Variants in RBPMS2 observed in about 807,000 individuals in gnomAD.
RBPMS2 encodes RNA-binding protein with multiple splicing 2.
Under a neutral mutation model 25.7 loss-of-function variants are expected in RBPMS2, and 14 were observed. That is an observed-to-expected ratio of 0.55 (90% CI 0.36 to 0.85). The LOEUF is 0.85. Among genes scored for constraint, RBPMS2 ranks in the 40% least tolerant of loss-of-function variants. The pLI is 0.01. For synonymous variants in RBPMS2, 127 were observed against 115.6 expected (o/e 1.10, Z -0.63); for missense variants, 252 against 283.4 (o/e 0.89, Z 0.80).
intron 4 of RBPMS2, 28 bp from the exon 5 acceptor site, chr15:64,749,178 G>C (rs943561446): frequency 6.2e-7 from 1 of 1,613,098 alleles, no homozygotes; most frequent in Non-Finnish European, 8.5e-7. Context: ...AGAAGAGAAA[G>C]GCTTACTCCG....
At chr15:64,760,167 G>C (rs527442053) in intron 1 of RBPMS2, among the ~76,000 whole-genome samples, 1 of 152,204 alleles carries the variant, frequency 6.6e-6, no homozygotes, top group African/African-American at 2.4e-5. Context: ...ATGGGCTCGT[G>C]GGGGAGAAGG....
At chr15:64,741,550 G>C (rs887716194) in intron 6 of RBPMS2, among the ~76,000 whole-genome samples, 3 of 152,272 alleles carry the variant, frequency 2.0e-5, no homozygotes, top group Non-Finnish European at 2.9e-5. Flanking sequence ...GCTGGGGGCA[G>C]TGGTGCCAGC....
chr15:64,750,630 C>T (rs1403693856), intron 2 of RBPMS2, among the ~76,000 whole-genome samples: 1 of 152,236 alleles, frequency 6.6e-6, no homozygotes, highest in Non-Finnish European at 1.5e-5. Flanking sequence ...TTCCCATTTG[C>T]TCCACTAACT....
intron 1 of RBPMS2, among the ~76,000 whole-genome samples, chr15:64,756,627 A>G (rs1423585354): frequency 6.8e-6 from 1 of 147,914 alleles, no homozygotes; most frequent in African/African-American, 2.5e-5. Flanking sequence ...TCAGTTTCTT[A>G]TTTTTATTTA....
chr15:64,754,786 G>C (rs926427868), intron 1 of RBPMS2, among the ~76,000 whole-genome samples: 2 of 151,984 alleles, frequency 1.3e-5, no homozygotes, highest in Admixed American at 1.3e-4. Flanking sequence ...TGCTGGGAAA[G>C]GACGACAGGA....
At chr15:64,744,113 A>G (rs1010329308) in intron 6 of RBPMS2, among the ~76,000 whole-genome samples, 1 of 152,082 alleles carries the variant, frequency 6.6e-6, no homozygotes, top group Non-Finnish European at 1.5e-5. Flanking sequence ...GTCTCAAAAA[A>G]ATAAAAATAA....
chr15:64,751,862 TCTGCCGG>T (rs2083684863), intron 1 of RBPMS2, among the ~76,000 whole-genome samples: 3 of 152,102 alleles, frequency 2.0e-5, no homozygotes, highest in Non-Finnish European at 4.4e-5. Flanking sequence ...TCGTGCTGCG[TCTGCCGG>T]ATGCCTCTGC....
At chr15:64,749,197 A>C (rs778105121) in intron 4 of RBPMS2, 47 bp from the exon 5 acceptor site, 1 of 1,602,836 alleles carries the variant, frequency 6.2e-7, no homozygotes, top group South Asian at 1.1e-5. Context: ...CGGGGGACCC[A>C]GAGTGTTAAT....
At chr15:64,772,717 G>A (rs1001162184) in intron 1 of RBPMS2, among the ~76,000 whole-genome samples, 1 of 152,076 alleles carries the variant, frequency 6.6e-6, no homozygotes, top group Non-Finnish European at 1.5e-5. Context: ...ACATCTCAGG[G>A]AAGGCTGACC....
Position 64,773,844 on chromosome 15 carries a change from G to A in RBPMS2, c.87+1389C>T, listed in dbSNP as rs371399812. On this transcript the variant is annotated intron_variant, in intron 1 of 7. Transcript: ENST00000300069. ...CTGTCAAGGGAGATTCTAACAGCCAGGTAGAGTCAGGATGGGGGCAAGATC... is the reference window on the plus strand; with the variant it reads ...CTGTCAAGGGAGATTCTAACAGCCAAGTAGAGTCAGGATGGGGGCAAGATC... Among the ~76,000 whole-genome samples, 4 of 152,198 alleles carry A rather than the reference G, an allele frequency of 2.6e-5. No homozygotes were observed. In the East Asian group the frequency reaches 7.7e-4, roughly 29 times the overall value.
intron 1 of RBPMS2, among the ~76,000 whole-genome samples, chr15:64,755,321 G>A (rs1215817907): frequency 3.9e-5 from 6 of 152,116 alleles, no homozygotes; most frequent in Admixed American, 3.3e-4. Context: ...AGGCAGTCAC[G>A]GATGAGCTGG....
intron 1 of RBPMS2, among the ~76,000 whole-genome samples, chr15:64,756,321 G>A (rs1319699833): frequency 1.3e-5 from 2 of 152,086 alleles, no homozygotes; most frequent in African/African-American, 4.8e-5. Context: ...CTTGAGACCA[G>A]CCTGGCCAAC....
chr15:64,761,697 T>TTC (rs386383287), intron 1 of RBPMS2, among the ~76,000 whole-genome samples: 2 of 12,162 alleles, frequency 1.6e-4, no homozygotes, highest in East Asian at 0.024. Flanking sequence ...AAAGCCCAGC[T>TTC]TTTTTTTTTT....
rs1029441461 is a variant in RBPMS2 at position 64,740,964 on chromosome 15, C to T, written c.*44G>A. ...ACTCGGGGCGCCTGTCCCGGCACCACCACAGATTACCAGAACCACCTCCCC... is the reference window on the plus strand; with the variant it reads ...ACTCGGGGCGCCTGTCCCGGCACCATCACAGATTACCAGAACCACCTCCCC... On this transcript the variant is annotated 3_prime_UTR_variant, in exon 8 of 8. Coordinates refer to ENST00000300069, the MANE Select transcript of RBPMS2 (RefSeq NM_194272.3). 3.9e-6 allele frequency: 2 copies of T among 512,038 alleles called. No individual in the cohort carries two copies. The highest frequency in any genetic ancestry group is 7.0e-6 in the Non-Finnish European group (2 of 283,938). The allele number at this position is 512,038 out of a possible 1,614,324, so 31.7% of individuals were successfully genotyped here.
chr15:64,769,289 G>A (rs561922350), intron 1 of RBPMS2, among the ~76,000 whole-genome samples: 2 of 151,100 alleles, frequency 1.3e-5, no homozygotes, highest in Admixed American at 1.3e-4. Context: ...GCTGGGCGTG[G>A]TAGCACATGC....
intron 1 of RBPMS2, among the ~76,000 whole-genome samples, chr15:64,772,843 A>T (rs1224784324): frequency 6.6e-6 from 1 of 152,106 alleles, no homozygotes; most frequent in African/African-American, 2.4e-5. Flanking sequence ...TAGGCTGAGA[A>T]TTTTCACTTG....
intron 1 of RBPMS2, among the ~76,000 whole-genome samples, chr15:64,764,275 C>T (rs1290012126): frequency 6.6e-6 from 1 of 152,166 alleles, no homozygotes; most frequent in Non-Finnish European, 1.5e-5. Context: ...CACTGCCATA[C>T]AATACCCTAC....
At chr15:64,741,046 G>T (rs1049186766) in intron 7 of RBPMS2, 46 bp from the exon 8 acceptor site, 1 of 674,598 alleles carries the variant, frequency 1.5e-6, no homozygotes. Context: ...CGTGGGACTA[G>T]AGCTAAAGCC....
At chr15:64,750,278 G>GCC in intron 3 of RBPMS2, 65 bp downstream of exon 3, 1 of 1,380,724 alleles carries the variant, frequency 7.2e-7, no homozygotes, top group Non-Finnish European at 1.0e-6. Flanking sequence ...GGGTTAACGG[G>GCC]CCCTTGTTTG....
Sources: allele counts gnomAD v4.1 joint callset (sites outside exome capture counted in the v4.1 genomes callset), GRCh38; gene constraint gnomAD v4.1.1; transcripts MANE v1.5; gene names NCBI Gene and HGNC (gene_info 2026-07-23, HGNC 2026-07-21).